TOP1: variants seen among roughly 807,000 people sequenced by gnomAD.
The protein encoded by TOP1 is DNA topoisomerase I, also known as DNA topoisomerase 1.
TOP1 carries 10 observed loss-of-function variants against 111.1 expected under a neutral mutation model. That is an observed-to-expected ratio of 0.09 (90% CI 0.06 to 0.15). The LOEUF (loss-of-function observed/expected upper bound fraction) is 0.15, where lower values mean the gene tolerates loss of function less well. Ranked by LOEUF, TOP1 falls within the 10% of genes least tolerant of loss-of-function variation. The pLI, the probability that TOP1 is intolerant of heterozygous loss-of-function variation, is 1.00. For missense variants in TOP1, 474 were observed against 926.7 expected (o/e 0.51, Z 6.34); for synonymous variants, 271 against 302.9 (o/e 0.89, Z 1.10).
intron 2 of TOP1, among the ~76,000 whole-genome samples, chr20:41,036,826 A>G (rs1600551375): frequency 1.6e-5 from 1 of 61,778 alleles, no homozygotes. Context: ...TCTAGTTCCT[A>G]CTTTTCTTTT....
chr20:41,073,333 G>T (rs143053171), intron 3 of TOP1: 1 of 978,760 alleles, frequency 1.0e-6, no homozygotes, highest in Non-Finnish European at 1.2e-6. Context: ...CCTGAATTCA[G>T]ATTCCTGAAT....
intron 13 of TOP1, among the ~76,000 whole-genome samples, chr20:41,103,019 G>A (rs903052482): frequency 2.0e-5 from 3 of 152,192 alleles, no homozygotes; most frequent in Non-Finnish European, 2.9e-5. Flanking sequence ...AGCAGAGTAT[G>A]TTGAGGATAG....
chr20:41,120,093 G>C (rs768696548), intron 18 of TOP1, among the ~76,000 whole-genome samples: 11 of 152,216 alleles, frequency 7.2e-5, no homozygotes, highest in Non-Finnish European at 1.3e-4. Flanking sequence ...TGTTTGCCAA[G>C]TGAATCAATG....
chr20:41,047,007 G>C (rs970792435), intron 2 of TOP1, among the ~76,000 whole-genome samples: 1 of 152,234 alleles, frequency 6.6e-6, no homozygotes, highest in Non-Finnish European at 1.5e-5. Flanking sequence ...AGAGAGACGA[G>C]AACAAGTTAG....
intron 13 of TOP1, among the ~76,000 whole-genome samples, chr20:41,105,429 T>A (rs548126997): frequency 6.6e-6 from 1 of 152,236 alleles, no homozygotes; most frequent in Non-Finnish European, 1.5e-5. Context: ...ACCTACACTT[T>A]TAATTAATCC....
chr20:41,040,839 C>G (rs2033255019), intron 2 of TOP1, among the ~76,000 whole-genome samples: 1 of 148,262 alleles, frequency 6.7e-6, no homozygotes. Context: ...ATGTTAGGTT[C>G]TGTTTAAGTA....
In TOP1 at chr20:41,116,732, A is replaced by C. The variant is rs2034336515; in HGVS notation, c.1822+340A>C. 6.6e-6 allele frequency among the ~76,000 whole-genome samples: 1 copy of C among 152,204 alleles called. No homozygotes were observed. On this transcript the variant is annotated intron_variant, in intron 17 of 20. Transcript: ENST00000361337. The surrounding 1 kb of genome is among the most constrained non-coding windows in gnomAD (Gnocchi z 5.6). Reference sequence around the variant, plus strand: ...ATGTTCTGTTAAATTGGAGAGAGTAAAGTTGTCATGGTTACCAGAAAAATA... The same window carrying C: ...ATGTTCTGTTAAATTGGAGAGAGTACAGTTGTCATGGTTACCAGAAAAATA...
At chr20:41,120,118 T>C (rs974615954) in intron 18 of TOP1, among the ~76,000 whole-genome samples, 4 of 152,230 alleles carry the variant, frequency 2.6e-5, no homozygotes, top group Non-Finnish European at 5.9e-5. Context: ...CTTTGATGCT[T>C]TGAGAGAATT....
At position 41,029,522 on chromosome 20, in the gene TOP1, G is replaced by A. The variant is rs1255373522; in HGVS notation, c.58+67G>A. ...CCGGCCGCCTCCCCCGCGCCCTGCC[G>A]GTGCCGGGCAGAGGACAGACATGGC... On this transcript the variant is annotated intron_variant, in intron 2 of 20. Transcript: ENST00000361337. The surrounding 1 kb of genome is among the most constrained non-coding windows in gnomAD (Gnocchi z 6.1). 2 of 1,320,360 alleles carry A rather than the reference G, an allele frequency of 1.5e-6. No homozygotes were observed. The highest frequency in any genetic ancestry group is 2.1e-6 in the Non-Finnish European group (2 of 940,966). The allele number at this position is 1,320,360 out of a possible 1,614,324, so 81.8% of individuals were successfully genotyped here.
intron 2 of TOP1, among the ~76,000 whole-genome samples, chr20:41,053,471 A>C (rs2033430917): frequency 2.0e-5 from 3 of 152,268 alleles, no homozygotes; most frequent in South Asian, 4.1e-4. Flanking sequence ...TTTTTCCCCC[A>C]AAATGCCCAT....
At chr20:41,055,996 A>G (rs1174797954) in intron 2 of TOP1, among the ~76,000 whole-genome samples, 1 of 152,220 alleles carries the variant, frequency 6.6e-6, no homozygotes, top group South Asian at 2.1e-4. Flanking sequence ...ACATAGAGAA[A>G]TATAATGAAC....
chr20:41,047,367 C>T (rs1364880618), intron 2 of TOP1, among the ~76,000 whole-genome samples: 2 of 152,176 alleles, frequency 1.3e-5, no homozygotes, highest in Non-Finnish European at 2.9e-5. Flanking sequence ...GTTACAGTTT[C>T]CTACAGTACT....
In TOP1 at chr20:41,094,531, C is replaced by T. The variant is rs952957740; in HGVS notation, c.730+1944C>T. Among the ~76,000 whole-genome samples, 2 of 152,190 alleles carry T rather than the reference C, an allele frequency of 1.3e-5. No homozygotes were observed. Among genetic ancestry groups the T allele is most frequent in the African/African-American group, 4.8e-5 (2 of 41,448 alleles). ...GGAAGCAGAGGCCTGGTCTAGTTCA[C>T]AGGTTGCCATAGTCCTTTCCTCCCA... On this transcript the variant is annotated intron_variant, in intron 9 of 20. Coordinates refer to ENST00000361337, the MANE Select transcript of TOP1 (RefSeq NM_003286.4). This position sits in a 1 kb window ranked among gnomAD's most constrained non-coding sequence, Gnocchi z 4.4.
rs1263712546 is a variant in TOP1 at position 41,118,589 on chromosome 20, T to C, written c.1950+293T>C. ...TTCTAATTGCTAATTACTGTCCTTA[T>C]TGTACATGAGGAAAGTGGATTTAAA... On this transcript the variant is annotated intron_variant, in intron 18 of 20. Coordinates refer to ENST00000361337, the MANE Select transcript of TOP1 (RefSeq NM_003286.4). This position sits in a 1 kb window ranked among gnomAD's most constrained non-coding sequence, Gnocchi z 4.6. Among the ~76,000 whole-genome samples, 1 of 152,242 alleles carries C rather than the reference T, an allele frequency of 6.6e-6. No individual in the cohort carries two copies. The highest frequency in any genetic ancestry group is 1.5e-5 in the Non-Finnish European group (1 of 68,050).
intron 3 of TOP1, among the ~76,000 whole-genome samples, chr20:41,070,826 G>A (rs139799476): frequency 7.6e-4 from 116 of 152,334 alleles, no homozygotes; most frequent in South Asian, 2.3e-3. Context: ...GAGTAGTCAA[G>A]TGCATGACCC....
chr20:41,097,090 C>A lies in TOP1; in HGVS notation c.731-130C>A. 1 of 872,318 alleles carries A rather than the reference C, an allele frequency of 1.1e-6. No homozygotes were observed. Among genetic ancestry groups the A allele is most frequent in the African/African-American group, 1.7e-5 (1 of 58,924 alleles). The allele number at this position is 872,318 out of a possible 1,614,324, so 54.0% of individuals were successfully genotyped here. ...TATGTTGTCTTTGTTGTTGTTGCTA[C>A]TATGTGTCACCAGACCTTTATATAC... On this transcript the variant is annotated intron_variant, in intron 9 of 20. Coordinates refer to ENST00000361337, the MANE Select transcript of TOP1 (RefSeq NM_003286.4). This position sits in a 1 kb window ranked among gnomAD's most constrained non-coding sequence, Gnocchi z 4.2.
Position 41,028,938 on chromosome 20 carries a change from C to A in TOP1, c.-130C>A. ...TCAGCCGTTTCTGGAGTCTCGGGCCCACAGTCACCGCCGCTTACCTGCGCC... is the reference window on the plus strand; with the variant it reads ...TCAGCCGTTTCTGGAGTCTCGGGCCAACAGTCACCGCCGCTTACCTGCGCC... On this transcript the variant is annotated 5_prime_UTR_variant, in exon 1 of 21. Coordinates refer to ENST00000361337, the MANE Select transcript of TOP1 (RefSeq NM_003286.4). 1 of 736,266 alleles carries A rather than the reference C, an allele frequency of 1.4e-6. No individual in the cohort carries two copies. The highest frequency in any genetic ancestry group is 2.2e-6 in the Non-Finnish European group (1 of 448,796). The allele number at this position is 736,266 out of a possible 1,614,324, so 45.6% of individuals were successfully genotyped here. A position where few individuals can be genotyped will look rare whatever the true frequency, so the allele number is the denominator to read the frequency against.
rs555938170 is a variant in TOP1, at chr20:41,099,650, T to A, written c.976-406T>A. Among the ~76,000 whole-genome samples the A allele has an allele frequency of 3.3e-5, 5 of 152,342 alleles. No individual in the cohort carries two copies. In the South Asian group the frequency reaches 1.0e-3, roughly 32 times the overall value. On this transcript the variant is annotated intron_variant, in intron 11 of 20. Transcript: ENST00000361337. The stretch of plus-strand genomic sequence containing the variant: ...GTCTGAGCTTAAAAACCCACGTTTT[T>A]AAGCTGTTTAACTGCTGTTTAATTA...
chr20:41,051,138 T>C (rs1568676033), intron 2 of TOP1, among the ~76,000 whole-genome samples: 1 of 152,240 alleles, frequency 6.6e-6, no homozygotes, highest in Non-Finnish European at 1.5e-5. Flanking sequence ...ACAGAAGTTA[T>C]ATTGTGAGTG....
Sources: gnomAD v4.1 joint callset for allele counts (sites outside exome capture counted in the v4.1 genomes callset) on GRCh38, gnomAD v4.1.1 for gene constraint, Gnocchi (gnomAD v3.1) non-coding constraint, MANE v1.5 for transcripts, NCBI Gene and HGNC (gene_info 2026-07-23, HGNC 2026-07-21) for gene names.